Variants in ESRRG observed in about 807,000 individuals in gnomAD.
ESRRG encodes the protein estrogen-related receptor gamma.
ESRRG carries 13 observed loss-of-function variants against 44.0 expected under a neutral mutation model. The observed-to-expected ratio is 0.30, with a 90% CI of 0.19 to 0.47. ESRRG has a LOEUF of 0.47. ESRRG is among the 20% of genes least tolerant of loss of function. The pLI is 1.00. For synonymous variants in ESRRG, 215 were observed against 214.6 expected (o/e 1.00, Z -0.02); for missense variants, 395 against 580.6 (o/e 0.68, Z 3.29).
chr1:216,627,274 A>G (rs1019779775), intron 3 of ESRRG, among the ~76,000 whole-genome samples: 4 of 152,224 alleles, frequency 2.6e-5, no homozygotes, highest in Admixed American at 1.3e-4. Flanking sequence ...TTTAAAATGT[A>G]TAAATTTCCT....
At chr1:216,779,180 T>C (rs2093736849) in intron 2 of ESRRG, among the ~76,000 whole-genome samples, 1 of 85,182 alleles carries the variant, frequency 1.2e-5, no homozygotes, top group Non-Finnish European at 2.2e-5. Context: ...TATATAATTA[T>C]ATAAATATAT....
chr1:216,564,779 T>C (rs931201620), intron 4 of ESRRG, among the ~76,000 whole-genome samples: 38 of 152,122 alleles, frequency 2.5e-4, no homozygotes, highest in African/African-American at 8.0e-4. Context: ...CAGTAAACTA[T>C]TGAAATATAG....
chr1:216,998,542 T>C (rs2076647449), intron 1 of ESRRG, among the ~76,000 whole-genome samples: 1 of 152,218 alleles, frequency 6.6e-6, no homozygotes. Context: ...TAAATCCACT[T>C]ATAATATTGT....
chr1:216,658,891 AAGAGAAGAG>A (rs2071439690), intron 2 of ESRRG, among the ~76,000 whole-genome samples: 1 of 150,070 alleles, frequency 6.7e-6, no homozygotes, highest in Non-Finnish European at 1.5e-5. Context: ...AAGAGAAGAG[AAGAGAAGAG>A]AAGAGAAGAG....
intron 2 of ESRRG, among the ~76,000 whole-genome samples, chr1:216,841,518 A>G (rs547350188): frequency 6.6e-6 from 1 of 152,096 alleles, no homozygotes; most frequent in East Asian, 1.9e-4. Flanking sequence ...TTAGGATGGA[A>G]CTTTAACATA....
intron 1 of ESRRG, among the ~76,000 whole-genome samples, chr1:217,023,980 C>G (rs894564402): frequency 6.6e-6 from 1 of 152,128 alleles, no homozygotes; most frequent in Admixed American, 6.5e-5. Flanking sequence ...TTCAAGATAT[C>G]GTAAACCTAA....
At chr1:217,132,402 T>C (rs2092978433) in intron 1 of ESRRG, among the ~76,000 whole-genome samples, 1 of 152,134 alleles carries the variant, frequency 6.6e-6, no homozygotes, top group African/African-American at 2.4e-5. Context: ...GCCATGCTGG[T>C]AGAGAAGGAA....
At chr1:217,112,758 G>T (rs942692723) in intron 1 of ESRRG, among the ~76,000 whole-genome samples, 1 of 152,152 alleles carries the variant, frequency 6.6e-6, no homozygotes. Flanking sequence ...ATTACTTCAG[G>T]ATAAAGATCA....
chr1:217,090,908 C>T (rs11572382), upstream of ESRRG, among the ~76,000 whole-genome samples: 962 of 152,200 alleles, frequency 6.3e-3, 9 homozygotes, highest in African/African-American at 0.022. Flanking sequence ...AAGAACAATC[C>T]TTAACGTTTA....
intron 1 of ESRRG, among the ~76,000 whole-genome samples, chr1:217,045,391 T>G (rs1248127709): frequency 1.3e-5 from 2 of 152,102 alleles, no homozygotes; most frequent in African/African-American, 4.8e-5. Context: ...CATAACAGTC[T>G]CCCCACAAAA....
At chr1:216,778,763 T>C (rs1165861432) in intron 2 of ESRRG, among the ~76,000 whole-genome samples, 1 of 151,968 alleles carries the variant, frequency 6.6e-6, no homozygotes, top group East Asian at 1.9e-4. Flanking sequence ...AGCCATCCAG[T>C]TGGGATTCAA....
chr1:216,842,471 G>A (rs1194184566), intron 2 of ESRRG, among the ~76,000 whole-genome samples: 1 of 152,180 alleles, frequency 6.6e-6, no homozygotes, highest in African/African-American at 2.4e-5. Context: ...GGTTGCAGCA[G>A]CTATGGCTGA....
At chr1:216,871,580 C>A (rs544636567) in intron 2 of ESRRG, among the ~76,000 whole-genome samples, 3 of 152,080 alleles carry the variant, frequency 2.0e-5, no homozygotes, top group Non-Finnish European at 4.4e-5. Flanking sequence ...GTTTTGAAGT[C>A]TCTAACTATA....
intron 1 of ESRRG, among the ~76,000 whole-genome samples, chr1:216,976,267 A>T (rs12728033): frequency 0.14 from 20,598 of 150,102 alleles, 1,889 homozygotes; most frequent in Admixed American, 0.21. Flanking sequence ...CAGCACTTCA[A>T]AGTAGAAAAT....
chr1:216,660,743 C>T (rs1346446581), intron 2 of ESRRG, among the ~76,000 whole-genome samples: 6 of 152,074 alleles, frequency 3.9e-5, no homozygotes, highest in African/African-American at 1.2e-4. Flanking sequence ...TGTTGTCAGA[C>T]TTATGGTGTA....
Position 216,855,693 on chromosome 1 carries a change from A to G in ESRRG, c.-14+83889T>C, listed in dbSNP as rs556424928. Among the ~76,000 whole-genome samples, 9 of 152,210 alleles carry G rather than the reference A, an allele frequency of 5.9e-5. No homozygotes were observed. The East Asian group carries it at 1.7e-3, about 29-fold the overall frequency. On this transcript the variant is annotated intron_variant, in intron 2 of 7. Transcript: ENST00000359162. ...TTAATCCACCCAATTAGGTGTCTCC[A>G]CCTGCCCCCTCCCCTGCTCCCCAGC...
intron 2 of ESRRG, among the ~76,000 whole-genome samples, chr1:216,906,372 T>G (rs1356617941): frequency 6.6e-6 from 1 of 152,178 alleles, no homozygotes; most frequent in Non-Finnish European, 1.5e-5. Context: ...CAGACTAAGG[T>G]GGAGGGAGAG....
chr1:216,782,929 T>C (rs1431990146), intron 2 of ESRRG, among the ~76,000 whole-genome samples: 1 of 152,002 alleles, frequency 6.6e-6, no homozygotes, highest in Non-Finnish European at 1.5e-5. Context: ...AATGAGAAAT[T>C]TGGGGAGATA....
intron 1 of ESRRG, among the ~76,000 whole-genome samples, chr1:216,695,455 A>G (rs1357175160): frequency 6.6e-6 from 1 of 152,180 alleles, no homozygotes; most frequent in Non-Finnish European, 1.5e-5. Flanking sequence ...ACAGGATTTT[A>G]TGATTTCATA....
Sources: allele counts gnomAD v4.1 joint callset (sites outside exome capture counted in the v4.1 genomes callset), GRCh38; gene constraint gnomAD v4.1.1; transcripts MANE v1.5; gene names NCBI Gene and HGNC (gene_info 2026-07-23, HGNC 2026-07-21).